The following COL12A1 variants were observed in gnomAD, a reference collection of about 807,000 sequenced individuals.
COL12A1 encodes the protein collagen type XII alpha 1 chain.
Under a neutral mutation model 349.7 loss-of-function variants are expected in COL12A1, and 114 were observed. The ratio of observed to expected loss-of-function variants is 0.33; its 90% CI spans 0.28 to 0.38. The LOEUF is 0.38. Ranked by LOEUF, COL12A1 falls within the 10% of genes least tolerant of loss-of-function variation. The probability of loss-of-function intolerance (pLI) is 1.00; values close to 1 mark genes in which losing one functional copy is unlikely to be tolerated. For missense variants in COL12A1, 3,284 were observed against 3,756.9 expected (o/e 0.87, Z 3.29); for synonymous variants, 1,369 against 1,329.0 (o/e 1.03, Z -0.66).
At chr6:75,113,161 A>T (rs766371407) in intron 51 of COL12A1, 43 bp downstream of exon 51, 1 of 1,049,438 alleles carries the variant, frequency 9.5e-7, no homozygotes, top group Non-Finnish European at 1.3e-6. Flanking sequence ...TTTGTTTTAT[A>T]TTTTTTTCTA....
intron 14 of COL12A1, among the ~76,000 whole-genome samples, chr6:75,160,663 A>G (rs1298018832): frequency 6.6e-6 from 1 of 152,224 alleles, no homozygotes; most frequent in Non-Finnish European, 1.5e-5. Context: ...CATAGAAACC[A>G]AAATCCTCAC....
Position 75,196,872 on chromosome 6 carries a change from GC to G in COL12A1, c.74-1926del, listed in dbSNP as rs1234973409. ...TTAAAACTGCTGAAGGGCAGTAGCA[GC>G]CCCCCTTGTTGATATCCAAATGACC... On this transcript the variant is annotated intron_variant, in intron 2 of 65. Coordinates refer to ENST00000322507, the MANE Select transcript of COL12A1 (RefSeq NM_004370.6). 9.8e-5 allele frequency among the ~76,000 whole-genome samples: 15 copies of G among 152,312 alleles called. 1 individual carries two copies. The highest frequency in any genetic ancestry group is 7.2e-5 in the African/African-American group (3 of 41,570).
intron 14 of COL12A1, among the ~76,000 whole-genome samples, chr6:75,158,495 T>C (rs905511233): frequency 2.0e-5 from 3 of 152,148 alleles, no homozygotes; most frequent in African/African-American, 7.2e-5. Context: ...ACTCAGTCAA[T>C]AGTAATACCT....
intron 8 of COL12A1, among the ~76,000 whole-genome samples, chr6:75,184,397 G>C (rs1407281974): frequency 1.4e-4 from 22 of 152,156 alleles, no homozygotes. Context: ...TTAATGTTGG[G>C]ACACTTCATG....
chr6:75,164,851 T>A (rs1383228191), intron 14 of COL12A1, among the ~76,000 whole-genome samples: 2 of 150,420 alleles, frequency 1.3e-5, no homozygotes, highest in African/African-American at 5.0e-5. Flanking sequence ...AAAAAAAAAA[T>A]ATCAGTAAGA....
chr6:75,099,846 A>T (rs1272278695), intron 58 of COL12A1, among the ~76,000 whole-genome samples: 1 of 152,068 alleles, frequency 6.6e-6, no homozygotes, highest in African/African-American at 2.4e-5. Flanking sequence ...TCCCTACTTG[A>T]TCCTGCTAAC....
chr6:75,171,580 A>T (rs538594235), intron 13 of COL12A1, among the ~76,000 whole-genome samples: 16 of 152,362 alleles, frequency 1.1e-4, no homozygotes, highest in African/African-American at 3.8e-4. Context: ...CTGCCGGCTG[A>T]CACCATGCCT....
In COL12A1 at chr6:75,202,847, C is replaced by T. The variant is rs755987177; in HGVS notation, c.-35-20G>A. 4 of 1,508,664 alleles carry T rather than the reference C, an allele frequency of 2.7e-6. No homozygotes were observed. The highest frequency in any genetic ancestry group is 3.6e-6 in the Non-Finnish European group (4 of 1,108,146). The allele number at this position is 1,508,664 out of a possible 1,614,324, so 93.5% of individuals were successfully genotyped here. A position where few individuals can be genotyped will look rare whatever the true frequency, so the allele number is the denominator to read the frequency against. ...AGAGATCTGCGGGAGGAAGTAGTGA[C>T]TGCATCAGAACTGGGTCTGGGCAGG... On this transcript the variant is annotated intron_variant, in intron 1 of 65. Transcript: ENST00000322507.
At chr6:75,164,061 G>A (rs1266238714) in intron 14 of COL12A1, among the ~76,000 whole-genome samples, 1 of 152,134 alleles carries the variant, frequency 6.6e-6, no homozygotes, top group African/African-American at 2.4e-5. Flanking sequence ...CTCAAAAGTA[G>A]AGAATGAATT....
chr6:75,123,894 G>C, intron 42 of COL12A1, 54 bp downstream of exon 42: 2 of 1,547,300 alleles, frequency 1.3e-6, no homozygotes, highest in African/African-American at 1.4e-5. Flanking sequence ...TCCTTACCTA[G>C]AGCATTCTAT....
At chr6:75,192,499 G>T (rs562660563) in intron 3 of COL12A1, 144 bp from the exon 4 acceptor site, 467 of 677,314 alleles carry the variant, frequency 6.9e-4, no homozygotes, top group Non-Finnish European at 9.0e-4. Flanking sequence ...ATTTTTTACT[G>T]CCTTCCAAAA....
At chr6:75,156,675 G>A in intron 14 of COL12A1, 152 bp from the exon 15 acceptor site, 1 of 798,252 alleles carries the variant, frequency 1.3e-6, no homozygotes, top group Non-Finnish European at 1.9e-6. Context: ...AATTCATGAT[G>A]GCGTGTGAGC....
chr6:75,175,413 T>C, intron 12 of COL12A1, 103 bp from the exon 13 acceptor site: 2 of 1,322,728 alleles, frequency 1.5e-6, no homozygotes, highest in Non-Finnish European at 2.0e-6. Flanking sequence ...ATCAAAGTTA[T>C]ATCCTGGGTG....
chr6:75,126,504 T>C, intron 38 of COL12A1, 34 bp from the exon 39 acceptor site: 1 of 1,594,706 alleles, frequency 6.3e-7, no homozygotes, highest in African/African-American at 1.3e-5. Context: ...TTACTGACCT[T>C]TTATTGGCAC....
At position 75,132,096 on chromosome 6, in the gene COL12A1, G is replaced by A. The variant is rs1178311224; in HGVS notation, c.5795-14C>T. ...GTCCTCTCATCACTGAGGAAATGAAGGCCAACATCTATTTTTTAAGTCTGT... is the reference window on the plus strand; with the variant it reads ...GTCCTCTCATCACTGAGGAAATGAAAGCCAACATCTATTTTTTAAGTCTGT... On this transcript the variant is annotated splice_polypyrimidine_tract_variant and intron_variant, in intron 34 of 65. Coordinates refer to ENST00000322507, the MANE Select transcript of COL12A1 (RefSeq NM_004370.6). The A allele has an allele frequency of 3.1e-6, 5 of 1,612,358 alleles. No homozygotes were observed. Among genetic ancestry groups the A allele is most frequent in the Admixed American group, 1.7e-5 (1 of 59,806 alleles).
chr6:75,145,705 C>T (rs865986157), intron 24 of COL12A1, among the ~76,000 whole-genome samples: 3 of 150,088 alleles, frequency 2.0e-5, no homozygotes, highest in Middle Eastern at 7.0e-3. Context: ...AATCTCAACT[C>T]ACCGCAACTT....
chr6:75,125,079 A>G (rs1261077105), intron 40 of COL12A1, 48 bp downstream of exon 40: 1 of 1,515,242 alleles, frequency 6.6e-7, no homozygotes, highest in Non-Finnish European at 8.9e-7. Flanking sequence ...TGACCTGGTA[A>G]TTTCTACTAC....
At chr6:75,101,065 C>G (rs1410910051) in intron 58 of COL12A1, among the ~76,000 whole-genome samples, 1 of 152,140 alleles carries the variant, frequency 6.6e-6, no homozygotes, top group African/African-American at 2.4e-5. Context: ...TGCTTTCATG[C>G]TAAGTCAAGA....
At chr6:75,096,542 T>C (rs1768033444) in intron 59 of COL12A1, among the ~76,000 whole-genome samples, 1 of 152,172 alleles carries the variant, frequency 6.6e-6, no homozygotes, top group Admixed American at 6.5e-5. Flanking sequence ...TCAGAACAAC[T>C]GATGGCTGTT....
Sources: gnomAD v4.1 joint callset for allele counts (sites outside exome capture counted in the v4.1 genomes callset) on GRCh38, gnomAD v4.1.1 for gene constraint, MANE v1.5 for transcripts, NCBI Gene and HGNC (gene_info 2026-07-23, HGNC 2026-07-21) for gene names.